OSBPL10: variants seen among roughly 807,000 people sequenced by gnomAD.
OSBPL10 encodes oxysterol binding protein like 10.
In OSBPL10, 49 loss-of-function variants were observed where a neutral mutation model predicts 81.7. The observed-to-expected ratio is 0.60, with a 90% CI of 0.48 to 0.76. The LOEUF is 0.76. OSBPL10 is among the 30% of genes least tolerant of loss of function. OSBPL10 has a pLI of 0.00. For synonymous variants in OSBPL10, 419 were observed against 383.6 expected (o/e 1.09, Z -1.08); for missense variants, 923 against 987.8 (o/e 0.93, Z 0.88).
intron 2 of OSBPL10, among the ~76,000 whole-genome samples, chr3:32,000,538 A>G (rs988164582): frequency 6.6e-6 from 1 of 152,228 alleles, no homozygotes; most frequent in Non-Finnish European, 1.5e-5. Flanking sequence ...CAATGCATCT[A>G]TTTGAACCCA....
chr3:31,874,664 T>C (rs1468634957), intron 3 of OSBPL10, among the ~76,000 whole-genome samples: 2 of 152,158 alleles, frequency 1.3e-5, no homozygotes, highest in East Asian at 3.9e-4. Context: ...TAATGAGGTA[T>C]CCAATTTTGA....
At chr3:31,840,938 C>T (rs1365539661) in intron 3 of OSBPL10, among the ~76,000 whole-genome samples, 3 of 152,164 alleles carry the variant, frequency 2.0e-5, no homozygotes, top group South Asian at 2.1e-4. Flanking sequence ...GACGGAGTTT[C>T]GCTCTTGTAG....
At chr3:31,762,966 T>C (rs528746774) in intron 4 of OSBPL10, among the ~76,000 whole-genome samples, 115 of 152,252 alleles carry the variant, frequency 7.6e-4, no homozygotes, top group Admixed American at 2.3e-3. Context: ...CACACTCTGA[T>C]GCTCACCTAG....
intron 4 of OSBPL10, among the ~76,000 whole-genome samples, chr3:31,756,006 T>C (rs1213248518): frequency 6.6e-6 from 1 of 152,242 alleles, no homozygotes; most frequent in Middle Eastern, 3.2e-3. Context: ...ATTTTATCTT[T>C]ACAAACTCCT....
chr3:31,702,234 T>C, intron 7 of OSBPL10, 125 bp downstream of exon 7: 1 of 1,148,852 alleles, frequency 8.7e-7, no homozygotes, highest in Non-Finnish European at 1.2e-6. Context: ...AAAGCAATGC[T>C]GGCCTTTTTC....
chr3:32,007,562 G>T (rs1055656624), intron 2 of OSBPL10, among the ~76,000 whole-genome samples: 1 of 151,978 alleles, frequency 6.6e-6, no homozygotes. Flanking sequence ...TAACCTCCAT[G>T]CTCCAATCTC....
chr3:31,684,117 GCATTTGGAAGGACA>G lies in OSBPL10; in HGVS notation c.1246-17_1246-4del, dbSNP rs1250869206. 1 of 1,611,280 alleles carries G rather than the reference GCATTTGGAAGGACA, an allele frequency of 6.2e-7. No individual in the cohort carries two copies. Reference sequence around the variant, plus strand: ...AGGATAAAGGTGGGAAGCACCACCTGCATTTGGAAGGACACAAAGTCAGACAATCCCTGGGATTA... The same window carrying G: ...AGGATAAAGGTGGGAAGCACCACCTGCAAAGTCAGACAATCCCTGGGATTA... On this transcript the variant is annotated splice_region_variant and splice_polypyrimidine_tract_variant and intron_variant, in intron 7 of 11. Transcript: ENST00000396556.
intron 4 of OSBPL10, among the ~76,000 whole-genome samples, chr3:31,760,481 T>C (rs1048926368): frequency 6.6e-6 from 1 of 152,260 alleles, no homozygotes; most frequent in Non-Finnish European, 1.5e-5. Flanking sequence ...CATCTCTAAA[T>C]TGCTTATGAC....
At chr3:31,934,957 T>C (rs991047923) in intron 1 of OSBPL10, among the ~76,000 whole-genome samples, 1 of 152,086 alleles carries the variant, frequency 6.6e-6, no homozygotes, top group Non-Finnish European at 1.5e-5. Context: ...GCTGGTAGAG[T>C]AGTTGCAAGA....
At chr3:31,897,818 G>A (rs1696099896) in intron 1 of OSBPL10, among the ~76,000 whole-genome samples, 1 of 151,720 alleles carries the variant, frequency 6.6e-6, no homozygotes, top group African/African-American at 2.4e-5. Context: ...GACCAGCCTG[G>A]CCAATATGGT....
rs765655889 is a variant in OSBPL10, at chr3:31,747,994, G to A, written c.856C>T (p.Leu286Phe). 1 of 1,614,210 alleles carries A rather than the reference G, an allele frequency of 6.2e-7. No individual in the cohort carries two copies. Among genetic ancestry groups the A allele is most frequent in the East Asian group, 2.2e-5 (1 of 44,884 alleles). ...LLLKATSAAT[L>F]SCLGECLNLL... ...TTGAGGCACTCCCCAAGGCAGCTGA[G>A]GGTGGCAGCAGAGGTAGCTTTCAGG... The change falls in exon 5 of 12, where the codon CTC becomes TTC. Residue 286 changes from leucine to phenylalanine, a missense_variant. By Grantham distance (22) the Leu-to-Phe change is conservative. Transcript: ENST00000396556.
At chr3:31,877,957 C>T (rs1392991408) in intron 2 of OSBPL10, among the ~76,000 whole-genome samples, 1 of 152,196 alleles carries the variant, frequency 6.6e-6, no homozygotes, top group Non-Finnish European at 1.5e-5. Context: ...TCTCATGATA[C>T]CATGATCCAA....
chr3:32,046,222 G>A (rs982282581), intron 2 of OSBPL10, among the ~76,000 whole-genome samples: 3 of 152,192 alleles, frequency 2.0e-5, no homozygotes, highest in African/African-American at 7.2e-5. Context: ...GTGACACAGT[G>A]AGATCCTATC....
intron 4 of OSBPL10, among the ~76,000 whole-genome samples, chr3:31,804,875 G>A (rs903079855): frequency 6.6e-6 from 1 of 152,038 alleles, no homozygotes; most frequent in African/African-American, 2.4e-5. Flanking sequence ...TTTTTTAGCT[G>A]TTTAAATGGT....
At chr3:32,008,356 T>G (rs962127261) in intron 2 of OSBPL10, among the ~76,000 whole-genome samples, 6 of 151,510 alleles carry the variant, frequency 4.0e-5, no homozygotes, top group African/African-American at 1.5e-4. Context: ...TTTCACCATG[T>G]TGGCCAGGCT....
intron 1 of OSBPL10, among the ~76,000 whole-genome samples, chr3:32,061,497 G>A (rs1575094675): frequency 1.1e-5 from 1 of 93,476 alleles, no homozygotes. Context: ...TCTAAAACTC[G>A]TTCAATGAAT....
intron 2 of OSBPL10, among the ~76,000 whole-genome samples, chr3:32,034,428 G>A (rs1384652097): frequency 2.9e-5 from 4 of 135,836 alleles, no homozygotes; most frequent in Non-Finnish European, 4.7e-5. Flanking sequence ...GTGACAGAGC[G>A]AGACCCTGTA....
At chr3:31,908,129 G>A (rs1425361088) in intron 1 of OSBPL10, among the ~76,000 whole-genome samples, 1 of 152,290 alleles carries the variant, frequency 6.6e-6, no homozygotes. Flanking sequence ...GGCTTGGTGT[G>A]CTGGAGAAAC....
chr3:31,721,936 A>T (rs1696657734), intron 6 of OSBPL10, among the ~76,000 whole-genome samples: 2 of 152,188 alleles, frequency 1.3e-5, no homozygotes, highest in Non-Finnish European at 2.9e-5. Context: ...CTTACATGCA[A>T]TCATTGAAAG....
Sources: allele counts gnomAD v4.1 joint callset (sites outside exome capture counted in the v4.1 genomes callset), GRCh38; gene constraint gnomAD v4.1.1; transcripts MANE v1.5; gene names NCBI Gene and HGNC (gene_info 2026-07-23, HGNC 2026-07-21).